ADGRG6: variants seen among roughly 807,000 people sequenced by gnomAD.
The protein encoded by ADGRG6 is adhesion G protein-coupled receptor G6.
A neutral mutation model predicts 142.4 loss-of-function variants in ADGRG6; 84 were observed. The observed-to-expected ratio is 0.59, with a 90% CI of 0.49 to 0.71. ADGRG6 has a LOEUF of 0.71. Among genes scored for constraint, ADGRG6 ranks in the 30% least tolerant of loss-of-function variants. The pLI is 0.00. For synonymous variants in ADGRG6, 521 were observed against 520.5 expected, an observed-to-expected ratio of 1.00 and a Z score of -0.01; for missense variants, 1,367 against 1,466.6, an observed-to-expected ratio of 0.93 and a Z score of 1.11.
chr6:142,302,680 C>T lies in ADGRG6; in HGVS notation c.2+349C>T, dbSNP rs572317916. Reference sequence around the variant, plus strand: ...GGAGTAACAGGCACCGCTCCTCAGTCCAGAGGCCTGGCCCTGCCAAGAAGG... The same window carrying T: ...GGAGTAACAGGCACCGCTCCTCAGTTCAGAGGCCTGGCCCTGCCAAGAAGG... On this transcript the variant is annotated intron_variant, in intron 1 of 24. Transcript: ENST00000367609. The T allele has an allele frequency of 6.8e-5, 21 of 308,966 alleles. 2 individuals are homozygous for T. In the South Asian group the frequency reaches 2.3e-3, roughly 33 times the overall value. The allele number at this position is 308,966 out of a possible 1,614,324, so 19.1% of individuals were successfully genotyped here. A position where few individuals can be genotyped will look rare whatever the true frequency, so the allele number is the denominator to read the frequency against.
Position 142,442,372 on chromosome 6 carries a change from G to T in ADGRG6, c.3575-965G>T, listed in dbSNP as rs190339161. 5.3e-4 allele frequency among the ~76,000 whole-genome samples: 81 copies of T among 152,222 alleles called. 1 individual carries two copies. In the East Asian group the frequency reaches 0.012, roughly 22 times the overall value. On this transcript the variant is annotated intron_variant, in intron 24 of 24. Transcript: ENST00000367609. ...TATTTGGAGAGGGAAGTGCTTAAAA[G>T]ATATTTGTAGGATACATGAAGACAA... is the stretch of plus-strand genomic sequence containing the variant.
chr6:142,404,211 G>A (rs1775681081), intron 14 of ADGRG6: 1 of 475,380 alleles, frequency 2.1e-6, no homozygotes, highest in South Asian at 2.4e-5. Flanking sequence ...GGGGTTACTG[G>A]AGCTAAGCAT....
At chr6:142,393,168 A>G (rs566865445) in intron 8 of ADGRG6, among the ~76,000 whole-genome samples, 168 bp downstream of exon 8, 1 of 152,260 alleles carries the variant, frequency 6.6e-6, no homozygotes, top group South Asian at 2.1e-4. Flanking sequence ...AAAAACCTCC[A>G]TGCTGCAGCG....
intron 6 of ADGRG6, among the ~76,000 whole-genome samples, chr6:142,386,119 G>T (rs1782006359): frequency 6.6e-6 from 1 of 152,166 alleles, no homozygotes; most frequent in African/African-American, 2.4e-5. Context: ...TATATCAATA[G>T]AATTTGTTTT....
In ADGRG6 at chr6:142,400,594, A is replaced by G. The variant is rs544737640; in HGVS notation, c.1677A>G (p.Ile559Met). The G allele has an allele frequency of 1.3e-6, 2 of 1,508,552 alleles. No individual in the cohort carries two copies. The highest frequency in any genetic ancestry group is 1.4e-5 in the African/African-American group (1 of 72,972). 93.4% of individuals were successfully genotyped at this position (1,508,552 alleles called of 1,614,324 possible). Residue 559 changes from isoleucine to methionine, a missense_variant and splice_region_variant, in exon 11 of 25, where the codon ATA (isoleucine) becomes ATG (methionine). By Grantham distance (10) the Ile-to-Met change is conservative. This residue lies in a region of ADGRG6 where 737 missense variants were observed against 746.5 expected (regional missense o/e 0.99). Coordinates refer to ENST00000367609, the MANE Select transcript of ADGRG6 (RefSeq NM_198569.3). ...PDKPGFSASR[I>M]CFYNATNPLV... ...AGCCTGGCTTTTCTGCTTCTCGGAT[A>G]TGGTAATATTTTCACTGACTCTTGC...
chr6:142,390,777 C>T (rs1774854212), intron 7 of ADGRG6, among the ~76,000 whole-genome samples: 1 of 151,862 alleles, frequency 6.6e-6, no homozygotes, highest in African/African-American at 2.4e-5. Flanking sequence ...AACCCAATAA[C>T]CAACAGCAAA....
intron 22 of ADGRG6, among the ~76,000 whole-genome samples, chr6:142,424,885 C>CATGATATCTAAGCTGA (rs1776863428): frequency 2.0e-5 from 3 of 151,972 alleles, no homozygotes; most frequent in African/African-American, 7.3e-5. Context: ...TACAAAAAAA[C>CATGATATCTAAGCTGA]ATGATATCTA....
Position 142,302,090 on chromosome 6 carries a change from A to T in ADGRG6, c.-240A>T. The T allele has an allele frequency of 5.7e-6, 3 of 529,770 alleles. No individual in the cohort carries two copies. Among genetic ancestry groups the T allele is most frequent in the Non-Finnish European group, 9.9e-6 (3 of 301,802 alleles). 32.8% of individuals were successfully genotyped at this position (529,770 alleles called of 1,614,324 possible). ...CCTGCCAACTTCCCTGCGAGGAGGG[A>T]CCTGCCGCCAGCCTGCTTCCTCGTC... On this transcript the variant is annotated 5_prime_UTR_variant, in exon 1 of 25. Transcript: ENST00000367609.
At chr6:142,420,679 C>T (rs1776620175) in intron 22 of ADGRG6, among the ~76,000 whole-genome samples, 1 of 152,122 alleles carries the variant, frequency 6.6e-6, no homozygotes, top group African/African-American at 2.4e-5. Flanking sequence ...AACAATTCAA[C>T]AAACATTTGT....
intron 15 of ADGRG6, among the ~76,000 whole-genome samples, chr6:142,407,172 A>G (rs1387208411): frequency 6.9e-6 from 1 of 144,534 alleles, no homozygotes; most frequent in Non-Finnish European, 1.5e-5. Flanking sequence ...CGTCTCTTTA[A>G]AAAAAAAAAA....
chr6:142,347,000 T>C lies in ADGRG6; in HGVS notation c.104-20569T>C, dbSNP rs190887197. On this transcript the variant is annotated intron_variant, in intron 2 of 24. Coordinates refer to ENST00000367609, the MANE Select transcript of ADGRG6 (RefSeq NM_198569.3). ...GTAACAAACCTGTACCTTCTGCACA[T>C]GTATCCCAGAACTTTATATGTTTTT... Among the ~76,000 whole-genome samples the C allele has an allele frequency of 3.2e-4, 49 of 152,306 alleles. 1 individual carries two copies. The highest frequency in any genetic ancestry group is 5.9e-4 in the Non-Finnish European group (40 of 68,032).
intron 1 of ADGRG6, 31 bp downstream of exon 1, chr6:142,302,362 T>C (rs1271029427): frequency 1.2e-6 from 2 of 1,611,096 alleles, no homozygotes; most frequent in African/African-American, 2.7e-5. Flanking sequence ...TGGAATTCCT[T>C]CACTCTTTTA....
At position 142,370,524 on chromosome 6, in the gene ADGRG6, A is replaced by T; in HGVS notation, c.800A>T (p.Asn267Ile). 6.2e-7 allele frequency: 1 copy of T among 1,613,772 alleles called. No homozygotes were observed. The highest frequency in any genetic ancestry group is 8.5e-7 in the Non-Finnish European group (1 of 1,179,712). ...AATTCTTTGGGCTCTATTGGTGTAA[A>T]TTTCAAAAGAAACTATGAAACAGTT... is the stretch of plus-strand genomic sequence containing the variant. ...WNNSLGSIGV[N>I]FKRNYETVPC... The change falls in exon 4 of 25, where the codon AAT (asparagine) becomes ATT (isoleucine). Residue 267 changes from asparagine (N) to isoleucine (I), a missense_variant. Physicochemically the swap from Asn to Ile is moderately radical, Grantham distance 149. Coordinates refer to ENST00000367609, the MANE Select transcript of ADGRG6 (RefSeq NM_198569.3).
intron 18 of ADGRG6, among the ~76,000 whole-genome samples, chr6:142,414,054 T>G (rs960888806): frequency 1.3e-5 from 2 of 152,026 alleles, no homozygotes; most frequent in African/African-American, 4.8e-5. Flanking sequence ...AACCTAAAAG[T>G]TTACGCTAGA....
rs764783693 is a variant in ADGRG6 at position 142,309,627 on chromosome 6, T to C, written c.86T>C (p.Met29Thr). ...CTGTTCTTATTTGCTTTATATATCA[T>C]GTGTGTTCCTCACTCAGGTAAGACT... ...PLLFLFALYI[M>T]CVPHSVWGCA... Residue 29 changes from methionine to threonine, a missense_variant, in exon 2 of 25, where the codon ATG (methionine) becomes ACG (threonine). This residue lies in a region of ADGRG6 where 737 missense variants were observed against 746.5 expected (regional missense o/e 0.99). Coordinates refer to ENST00000367609, the MANE Select transcript of ADGRG6 (RefSeq NM_198569.3). 1.9e-6 allele frequency: 3 copies of C among 1,598,584 alleles called. No individual in the cohort carries two copies. Among genetic ancestry groups the C allele is most frequent in the East Asian group, 2.2e-5 (1 of 44,596 alleles).
At chr6:142,384,110 G>A (rs369428182) in intron 6 of ADGRG6, among the ~76,000 whole-genome samples, 2 of 152,164 alleles carry the variant, frequency 1.3e-5, no homozygotes, top group East Asian at 1.9e-4. Context: ...TAGGGGAAAG[G>A]CATTTAATTA....
intron 2 of ADGRG6, among the ~76,000 whole-genome samples, chr6:142,336,725 C>T (rs1454819603): frequency 1.3e-5 from 2 of 152,150 alleles, no homozygotes; most frequent in Non-Finnish European, 2.9e-5. Flanking sequence ...TATTTATTAC[C>T]TTCTTTTATG....
chr6:142,412,322 A>G (rs1198087510), intron 18 of ADGRG6, among the ~76,000 whole-genome samples: 2 of 152,144 alleles, frequency 1.3e-5, no homozygotes, highest in African/African-American at 4.8e-5. Flanking sequence ...GATAGGAGTG[A>G]TGTGAGCTGA....
chr6:142,318,381 AT>A (rs1341058196), intron 2 of ADGRG6, among the ~76,000 whole-genome samples: 1 of 108,928 alleles, frequency 9.2e-6, no homozygotes, highest in Non-Finnish European at 1.8e-5. Context: ...ATATTTATAT[AT>A]TTATATATTA....
Sources: gnomAD v4.1 joint callset for allele counts (sites outside exome capture counted in the v4.1 genomes callset) on GRCh38, gnomAD v4.1.1 for gene constraint, gnomAD v4.1.1 regional missense constraint, MANE v1.5 for transcripts, NCBI Gene and HGNC (gene_info 2026-07-23, HGNC 2026-07-21) for gene names.